The following TENM3 variants were observed in gnomAD, a reference collection of about 807,000 sequenced individuals.
TENM3 encodes teneurin transmembrane protein 3, also known as teneurin-3.
In TENM3, 63 loss-of-function variants were observed where a neutral mutation model predicts 255.1. That is an observed-to-expected ratio of 0.25 (90% CI 0.20 to 0.30). TENM3 has a LOEUF of 0.30. TENM3 is among the 10% of genes least tolerant of loss of function. The pLI, the probability that TENM3 is intolerant of heterozygous loss-of-function variation, is 1.00. For missense variants in TENM3, 2,929 were observed against 3,461.1 expected (o/e 0.85, Z 3.86); for synonymous variants, 1,306 against 1,322.3 (o/e 0.99, Z 0.27).
intron 2 of TENM3, among the ~76,000 whole-genome samples, chr4:182,344,582 A>C (rs937119093): frequency 1.3e-5 from 2 of 152,152 alleles, no homozygotes; most frequent in African/African-American, 4.8e-5. Context: ...AAAGCCAATC[A>C]CTTGGAAATT....
chr4:181,448,753 G>C, the TENM3 span, among the ~76,000 whole-genome samples: 1 of 151,924 alleles, frequency 6.6e-6, no homozygotes, highest in Non-Finnish European at 1.5e-5. Flanking sequence ...TACTATTGTT[G>C]GTCGTGGTGA....
At chr4:182,309,542 A>G (rs952111007) in intron 1 of TENM3, among the ~76,000 whole-genome samples, 2 of 152,178 alleles carry the variant, frequency 1.3e-5, no homozygotes, top group Non-Finnish European at 2.9e-5. Flanking sequence ...GCGTCTGCCT[A>G]CTGCTTTCTA....
the TENM3 span, among the ~76,000 whole-genome samples, chr4:181,836,183 G>GCACA: frequency 0.049 from 7,327 of 148,836 alleles, 275 homozygotes; most frequent in African/African-American, 0.089. Flanking sequence ...ATACACACAT[G>GCACA]CACACACACA....
chr4:182,157,564 C>G (rs1318741361), intron 1 of TENM3, among the ~76,000 whole-genome samples: 4 of 152,216 alleles, frequency 2.6e-5, no homozygotes, highest in Admixed American at 6.5e-5. Context: ...CTCCTCTCCA[C>G]AAAAGGTTTG....
At chr4:181,497,353 C>T in the TENM3 span, among the ~76,000 whole-genome samples, 5 of 152,118 alleles carry the variant, frequency 3.3e-5, no homozygotes, top group Non-Finnish European at 7.4e-5. Context: ...GTCTACTACC[C>T]TATAGAAGAT....
intron 13 of TENM3, among the ~76,000 whole-genome samples, chr4:182,716,907 G>A (rs1759231055): frequency 6.6e-6 from 1 of 152,244 alleles, no homozygotes; most frequent in African/African-American, 2.4e-5. Context: ...GCATATTAAG[G>A]AACTCAGGAG....
intron 3 of TENM3, among the ~76,000 whole-genome samples, chr4:182,372,071 A>T (rs1224946611): frequency 6.6e-6 from 1 of 152,136 alleles, no homozygotes. Flanking sequence ...AATTATGCAA[A>T]CTCTCATTAA....
intron 3 of TENM3, among the ~76,000 whole-genome samples, chr4:182,582,122 C>G (rs1212736127): frequency 6.6e-6 from 1 of 152,184 alleles, no homozygotes; most frequent in Non-Finnish European, 1.5e-5. Flanking sequence ...CACGGCTGGA[C>G]TGGGGTCTCC....
At chr4:181,839,272 C>A in the TENM3 span, among the ~76,000 whole-genome samples, 1 of 146,186 alleles carries the variant, frequency 6.8e-6, no homozygotes, top group African/African-American at 2.5e-5. Context: ...TTACCCTTCC[C>A]AGACTTATAG....
At chr4:181,982,045 A>C in the TENM3 span, among the ~76,000 whole-genome samples, 4 of 152,180 alleles carry the variant, frequency 2.6e-5, no homozygotes, top group African/African-American at 9.7e-5. Flanking sequence ...CCTGAGAGAG[A>C]TCAATAAATC....
chr4:181,489,829 A>T, the TENM3 span, among the ~76,000 whole-genome samples: 40 of 152,354 alleles, frequency 2.6e-4, no homozygotes, highest in African/African-American at 9.6e-4. Context: ...TTTAGTAATT[A>T]TGGTTCATTT....
At position 182,366,834 on chromosome 4, in the gene TENM3, A is replaced by T. The variant is rs183149496; in HGVS notation, c.511+19905A>T. Among the ~76,000 whole-genome samples the T allele has an allele frequency of 4.9e-3, 752 of 152,312 alleles. 4 individuals are homozygous for T. The highest frequency in any genetic ancestry group is 0.017 in the African/African-American group (726 of 41,560). ...ACTTAAAGAAGCTTATGGAAGTTAC[A>T]TTTGATGTCAGAAGCAGTTATCAAG... On this transcript the variant is annotated intron_variant, in intron 3 of 27. Coordinates refer to ENST00000511685, the MANE Select transcript of TENM3 (RefSeq NM_001080477.4).
At chr4:181,646,715 C>A in the TENM3 span, among the ~76,000 whole-genome samples, 1 of 152,154 alleles carries the variant, frequency 6.6e-6, no homozygotes, top group African/African-American at 2.4e-5. Context: ...AGGACCGAGG[C>A]GCGTCTGACT....
chr4:181,691,226 A>G, the TENM3 span, among the ~76,000 whole-genome samples: 1 of 139,088 alleles, frequency 7.2e-6, no homozygotes, highest in African/African-American at 2.5e-5. Flanking sequence ...CAAAGTGACA[A>G]ATATGATCTT....
chr4:182,196,424 C>T (rs952263071), intron 1 of TENM3, among the ~76,000 whole-genome samples: 3 of 152,228 alleles, frequency 2.0e-5, no homozygotes, highest in Middle Eastern at 3.4e-3. Context: ...ACCATAGCCA[C>T]GCCTCATCTG....
chr4:181,721,621 AAAAAG>A, the TENM3 span, among the ~76,000 whole-genome samples: 1 of 148,550 alleles, frequency 6.7e-6, no homozygotes, highest in Non-Finnish European at 1.5e-5. Flanking sequence ...AAAAAAAAAA[AAAAAG>A]AAGTGGAGTG....
intron 1 of TENM3, among the ~76,000 whole-genome samples, chr4:182,194,889 C>G (rs1481176227): frequency 1.3e-5 from 2 of 152,104 alleles, no homozygotes; most frequent in African/African-American, 4.8e-5. Flanking sequence ...ACTGGCTATG[C>G]ATGTTTTTTT....
At chr4:181,913,488 G>A in the TENM3 span, among the ~76,000 whole-genome samples, 1 of 152,168 alleles carries the variant, frequency 6.6e-6, no homozygotes, top group African/African-American at 2.4e-5. Context: ...AGTCCCTACT[G>A]CTGTGTCTTT....
intron 3 of TENM3, among the ~76,000 whole-genome samples, chr4:182,469,369 T>C (rs762445407): frequency 4.6e-5 from 7 of 152,136 alleles, no homozygotes; most frequent in Non-Finnish European, 7.3e-5. Context: ...TTTGTAACTC[T>C]AGATAGAGAA....
Sources: gnomAD v4.1 joint callset for allele counts (sites outside exome capture counted in the v4.1 genomes callset) on GRCh38, gnomAD v4.1.1 for gene constraint, MANE v1.5 for transcripts, NCBI Gene and HGNC (gene_info 2026-07-23, HGNC 2026-07-21) for gene names.